Variants in PDE1A observed in about 807,000 individuals in gnomAD.
The protein encoded by PDE1A is dual specificity calcium/calmodulin-dependent 3',5'-cyclic nucleotide phosphodiesterase 1A.
Under a neutral mutation model 61.7 loss-of-function variants are expected in PDE1A, and 35 were observed. The observed-to-expected ratio is 0.57, with a 90% CI of 0.43 to 0.75. The LOEUF (loss-of-function observed/expected upper bound fraction) is 0.75, where lower values mean the gene tolerates loss of function less well. PDE1A is among the 30% of genes least tolerant of loss of function. The pLI, the probability that PDE1A is intolerant of heterozygous loss-of-function variation, is 0.00. For synonymous variants in PDE1A, 232 were observed against 213.2 expected (o/e 1.09, Z -0.77); for missense variants, 597 against 630.6 (o/e 0.95, Z 0.57).
At chr2:182,298,512 T>C (rs1695035098) in intron 1 of PDE1A, among the ~76,000 whole-genome samples, 1 of 152,092 alleles carries the variant, frequency 6.6e-6, no homozygotes, top group Non-Finnish European at 1.5e-5. Flanking sequence ...GGTGGATGCA[T>C]TTGGTAAAAC....
At chr2:182,412,019 T>C (rs536303788) in intron 1 of PDE1A, among the ~76,000 whole-genome samples, 76 of 149,618 alleles carry the variant, frequency 5.1e-4, no homozygotes, top group African/African-American at 1.9e-3. Context: ...CACCGCACCA[T>C]TGCACTCCAG....
At chr2:182,712,557 A>G in the PDE1A span, among the ~76,000 whole-genome samples, 178 of 152,042 alleles carry the variant, frequency 1.2e-3, no homozygotes, top group African/African-American at 4.1e-3. Flanking sequence ...ATTCTTTTCC[A>G]TTTTTTTCTT....
In PDE1A at chr2:182,420,098, C is replaced by A. The variant is rs572739146; in HGVS notation, c.53+6480G>T. Among the ~76,000 whole-genome samples the A allele has an allele frequency of 1.9e-4, 29 of 151,906 alleles. 1 individual carries two copies. Among genetic ancestry groups the A allele is most frequent in the African/African-American group, 7.0e-4 (29 of 41,490 alleles). Reference sequence around the variant, plus strand: ...AGAGAGATGCACAGCAGAAGAGGTGCAGATAAAATGCCACTGTGCTGTTAG... The same window carrying A: ...AGAGAGATGCACAGCAGAAGAGGTGAAGATAAAATGCCACTGTGCTGTTAG... On this transcript the variant is annotated intron_variant, in intron 1 of 13. Coordinates refer to ENST00000351439, the Ensembl canonical transcript of PDE1A.
chr2:182,654,692 C>T, the PDE1A span, among the ~76,000 whole-genome samples: 1 of 152,098 alleles, frequency 6.6e-6, no homozygotes, highest in African/African-American at 2.4e-5. Flanking sequence ...CAGGGTCCCT[C>T]CTCAAGTGAA....
At chr2:182,141,453 C>A (rs1018755967) in exon 15 of PDE1A, 6 of 152,128 alleles carry the variant, frequency 3.9e-5, no homozygotes, top group African/African-American at 1.4e-4. Context: ...AGATCAATTA[C>A]CTCATAATGT....
intron 7 of PDE1A, among the ~76,000 whole-genome samples, chr2:182,214,370 A>C (rs1687964008): frequency 6.6e-6 from 1 of 151,960 alleles, no homozygotes; most frequent in South Asian, 2.1e-4. Context: ...CGAGCAAAAT[A>C]ACCAGCCAAC....
intron 2 of PDE1A, among the ~76,000 whole-genome samples, chr2:182,498,837 G>A (rs1485121378): frequency 2.6e-5 from 4 of 151,974 alleles, no homozygotes; most frequent in Non-Finnish European, 4.4e-5. Context: ...CCAGCTACTT[G>A]GGAGGCTGAG....
the PDE1A span, among the ~76,000 whole-genome samples, chr2:182,690,379 G>A: frequency 3.3e-5 from 5 of 152,086 alleles, no homozygotes; most frequent in African/African-American, 4.8e-5. Flanking sequence ...TTCAACATAC[G>A]CAAATCAATA....
chr2:182,398,062 G>T (rs1399599685), intron 1 of PDE1A, among the ~76,000 whole-genome samples: 1 of 151,724 alleles, frequency 6.6e-6, no homozygotes, highest in East Asian at 1.9e-4. Context: ...GATAGATGAG[G>T]CAAGAAATGA....
the PDE1A span, among the ~76,000 whole-genome samples, chr2:182,609,998 G>A: frequency 6.6e-6 from 1 of 151,646 alleles, no homozygotes; most frequent in Non-Finnish European, 1.5e-5. Flanking sequence ...TGAGGTAGGA[G>A]AATCGCTTGA....
chr2:182,337,077 T>G (rs928349196), intron 1 of PDE1A, among the ~76,000 whole-genome samples: 26 of 152,008 alleles, frequency 1.7e-4, no homozygotes, highest in Non-Finnish European at 2.6e-4. Context: ...ACATTGTAAG[T>G]GGTAAATACT....
intron 1 of PDE1A, among the ~76,000 whole-genome samples, chr2:182,342,880 G>A (rs1698283640): frequency 1.3e-5 from 2 of 152,180 alleles, no homozygotes; most frequent in African/African-American, 4.8e-5. Flanking sequence ...ATACTGAAGA[G>A]AGGTTCAGGG....
chr2:182,275,695 T>A (rs1166833931), intron 1 of PDE1A, among the ~76,000 whole-genome samples: 2 of 152,088 alleles, frequency 1.3e-5, no homozygotes, highest in Non-Finnish European at 2.9e-5. Context: ...TGAAAAAAAA[T>A]AATTTTTATT....
chr2:182,422,426 G>A (rs367762071), intron 1 of PDE1A, among the ~76,000 whole-genome samples: 2 of 152,154 alleles, frequency 1.3e-5, no homozygotes, highest in East Asian at 3.9e-4. Context: ...TATCAAGTAA[G>A]AGAAAATAAT....
In PDE1A at chr2:182,201,551, C is replaced by T. The variant is rs750476214; in HGVS notation, c.1013G>A (p.Arg338Lys). The change falls in exon 10 of 14, where the codon AGA (arginine) becomes AAA (lysine). Residue 338 changes from arginine to lysine, a missense_variant. Physicochemically the swap from Arg to Lys is conservative, Grantham distance 26. Coordinates refer to ENST00000351439, the Ensembl canonical transcript of PDE1A. Reference sequence around the variant, plus strand: ...GAGAATCAGGGACATGGTTTTGGCTCTGTCAATCCTGTCAAACCAAGGACA... The same window carrying T: ...GAGAATCAGGGACATGGTTTTGGCTTTGTCAATCCTGTCAAACCAAGGACA... The T allele has an allele frequency of 1.9e-6, 3 of 1,611,696 alleles. No homozygotes were observed. The Admixed American group carries it at 5.0e-5, about 27-fold the overall frequency.
At chr2:182,302,586 A>G (rs833146) in intron 1 of PDE1A, among the ~76,000 whole-genome samples, 146,260 of 152,320 alleles carry the variant, frequency 0.96, 70,502 homozygotes, top group Non-Finnish European at 1. Context: ...TCTGCTGACT[A>G]ATCAGGGAGG....
intron 2 of PDE1A, among the ~76,000 whole-genome samples, chr2:182,244,540 T>C (rs915107429): frequency 6.6e-6 from 1 of 150,648 alleles, no homozygotes; most frequent in Non-Finnish European, 1.5e-5. Context: ...TATTATCATA[T>C]TATTTACCTC....
intron 2 of PDE1A, among the ~76,000 whole-genome samples, chr2:182,439,045 A>T (rs1478500748): frequency 6.6e-6 from 1 of 152,054 alleles, no homozygotes; most frequent in Non-Finnish European, 1.5e-5. Flanking sequence ...TACATAGGTT[A>T]TAGTGCATAA....
chr2:182,445,446 A>T (rs998699574), intron 2 of PDE1A, among the ~76,000 whole-genome samples: 1 of 152,032 alleles, frequency 6.6e-6, no homozygotes, highest in Non-Finnish European at 1.5e-5. Context: ...AAACAGAATT[A>T]TTTTTTCTAG....
Sources: allele counts gnomAD v4.1 joint callset (sites outside exome capture counted in the v4.1 genomes callset), GRCh38; gene constraint gnomAD v4.1.1; transcripts MANE v1.5; gene names NCBI Gene and HGNC (gene_info 2026-07-23, HGNC 2026-07-21).